GATAD2A: variants seen among roughly 807,000 people sequenced by gnomAD.
GATAD2A encodes the protein transcriptional repressor p66-alpha.
A neutral mutation model predicts 68.5 loss-of-function variants in GATAD2A; 12 were observed. The ratio of observed to expected loss-of-function variants is 0.18; its 90% CI spans 0.11 to 0.28. The LOEUF (loss-of-function observed/expected upper bound fraction) is 0.28. Among genes scored for constraint, GATAD2A ranks in the 10% least tolerant of loss-of-function variants. GATAD2A has a pLI of 1.00. For synonymous variants in GATAD2A, 410 were observed against 375.3 expected (o/e 1.09, Z -1.07); for missense variants, 755 against 868.5 (o/e 0.87, Z 1.64).
intron 1 of GATAD2A, among the ~76,000 whole-genome samples, chr19:19,386,584 C>G (rs1384087050): frequency 6.6e-6 from 1 of 151,690 alleles, no homozygotes; most frequent in East Asian, 1.9e-4. Context: ...AACGCTGCCT[C>G]TCTAGAGGAT....
chr19:19,462,927 G>A (rs980530710), intron 1 of GATAD2A, among the ~76,000 whole-genome samples: 17 of 152,176 alleles, frequency 1.1e-4, no homozygotes, highest in African/African-American at 4.1e-4. Context: ...GCTGGGAGGG[G>A]CCCTGCCTGG....
intron 1 of GATAD2A, among the ~76,000 whole-genome samples, chr19:19,447,994 C>T (rs1026452605): frequency 6.6e-6 from 1 of 152,246 alleles, no homozygotes; most frequent in Non-Finnish European, 1.5e-5. Flanking sequence ...TGAGAGACTA[C>T]AGCCCTGGAA....
At chr19:19,454,614 T>A (rs1231285392) in intron 1 of GATAD2A, among the ~76,000 whole-genome samples, 1 of 151,246 alleles carries the variant, frequency 6.6e-6, no homozygotes, top group Non-Finnish European at 1.5e-5. Flanking sequence ...AAAAAAAAAT[T>A]TATTGGAGAC....
intron 2 of GATAD2A, among the ~76,000 whole-genome samples, chr19:19,468,971 T>C (rs2058069873): frequency 6.6e-6 from 1 of 152,228 alleles, no homozygotes; most frequent in African/African-American, 2.4e-5. Flanking sequence ...ATAAAATATA[T>C]GTCATATTAG....
At chr19:19,464,845 G>A (rs1374506177) in intron 1 of GATAD2A, 2 of 181,746 alleles carry the variant, frequency 1.1e-5, no homozygotes, top group East Asian at 1.3e-4. Flanking sequence ...AAGGGGAGAA[G>A]CTGGGGTTAA....
At chr19:19,415,238 C>T (rs1273637125) in intron 1 of GATAD2A, among the ~76,000 whole-genome samples, 1 of 151,578 alleles carries the variant, frequency 6.6e-6, no homozygotes, top group African/African-American at 2.4e-5. Context: ...CTGCAACCTC[C>T]GCCTCCTGGG....
intron 1 of GATAD2A, among the ~76,000 whole-genome samples, chr19:19,460,570 A>T (rs1254267776): frequency 6.6e-6 from 1 of 152,066 alleles, no homozygotes; most frequent in Non-Finnish European, 1.5e-5. Flanking sequence ...GCTCCTCAGC[A>T]TCTCCGTGGG....
At chr19:19,489,605 C>T (rs2059653573) in intron 2 of GATAD2A, among the ~76,000 whole-genome samples, 1 of 152,218 alleles carries the variant, frequency 6.6e-6, no homozygotes, top group Non-Finnish European at 1.5e-5. Flanking sequence ...GCAGAGCAGC[C>T]CTCTCAGGCA....
intron 1 of GATAD2A, among the ~76,000 whole-genome samples, 151 bp downstream of exon 1, chr19:19,406,170 C>T (rs1284767609): frequency 6.6e-6 from 1 of 151,768 alleles, no homozygotes; most frequent in Non-Finnish European, 1.5e-5. Context: ...AGTTCTACTC[C>T]TTGTATTCTG....
intron 1 of GATAD2A, among the ~76,000 whole-genome samples, chr19:19,449,226 T>C (rs991565483): frequency 2.0e-5 from 3 of 152,204 alleles, no homozygotes; most frequent in South Asian, 4.1e-4. Context: ...CTGTTGGCTA[T>C]TGGGATCAGT....
chr19:19,499,049 A>C (rs1218691842), intron 8 of GATAD2A, among the ~76,000 whole-genome samples: 1 of 152,218 alleles, frequency 6.6e-6, no homozygotes, highest in Non-Finnish European at 1.5e-5. Context: ...AAGGGCTCTC[A>C]GGCCAATGTG....
chr19:19,490,153 T>TGAA (rs2059690907), intron 2 of GATAD2A, among the ~76,000 whole-genome samples: 1 of 152,216 alleles, frequency 6.6e-6, no homozygotes, highest in African/African-American at 2.4e-5. Flanking sequence ...CGTACCTTTC[T>TGAA]GTCCACGCCC....
At chr19:19,459,939 G>A (rs1033542486) in intron 1 of GATAD2A, among the ~76,000 whole-genome samples, 1 of 152,214 alleles carries the variant, frequency 6.6e-6, no homozygotes, top group Non-Finnish European at 1.5e-5. Context: ...TGCTGTTTCC[G>A]GTGTGGCTTC....
At chr19:19,414,037 C>T (rs1048343178) in intron 1 of GATAD2A, among the ~76,000 whole-genome samples, 2 of 151,944 alleles carry the variant, frequency 1.3e-5, no homozygotes. Flanking sequence ...ACTGTACAAG[C>T]AACATTTCCT....
rs763697857 is a variant in GATAD2A, at chr19:19,492,299, C to T, written c.270-7C>T. 3 of 1,598,470 alleles carry T rather than the reference C, an allele frequency of 1.9e-6. No homozygotes were observed. In the South Asian group the frequency reaches 3.4e-5, roughly 18 times the overall value. On this transcript the variant is annotated splice_region_variant and splice_polypyrimidine_tract_variant and intron_variant, in intron 2 of 11. Coordinates refer to ENST00000683918, the MANE Select transcript of GATAD2A (RefSeq NM_001384528.1). ...GCGCTCTGGTCACTACTGTCTCCAC[C>T]CCACAGTGACATGAAGTCCGAGAGG...
rs558334899 is a variant in GATAD2A, at chr19:19,486,227, A to G, written c.270-6079A>G. Among the ~76,000 whole-genome samples, 152 of 152,358 alleles carry G rather than the reference A, an allele frequency of 1.0e-3. 1 individual carries two copies. Among genetic ancestry groups the G allele is most frequent in the South Asian group, 6.0e-3 (29 of 4,828 alleles). On this transcript the variant is annotated intron_variant, in intron 2 of 11. Transcript: ENST00000683918. ...CCCACTCTTTCCTCAGAAAGCTGTC[A>G]GGTCAGGCAGATGTTTCAGGTTTGC...
At chr19:19,392,324 T>C (rs2048901737) in intron 1 of GATAD2A, among the ~76,000 whole-genome samples, 1 of 151,718 alleles carries the variant, frequency 6.6e-6, no homozygotes, top group East Asian at 1.9e-4. Context: ...GTTCAAGTGA[T>C]TCTCTCACTT....
chr19:19,414,251 A>T (rs1200126222), intron 1 of GATAD2A, among the ~76,000 whole-genome samples: 1 of 152,154 alleles, frequency 6.6e-6, no homozygotes, highest in African/African-American at 2.4e-5. Flanking sequence ...TAGCAGACAA[A>T]CTGAGGATTC....
At position 19,506,309 on chromosome 19, in the gene GATAD2A, GAGA is replaced by G. The variant is rs1482977076; in HGVS notation, c.*838_*840del. On this transcript the variant is annotated 3_prime_UTR_variant, in exon 12 of 12. Transcript: ENST00000683918. ...GGATTCCAGAAGCTGCCCATTAAGG[GAGA>G]AGGAGAGGATCCGGTCGGCAGCAGC... The G allele has an allele frequency of 2.5e-6, 1 of 397,886 alleles. No homozygotes were observed. The highest frequency in any genetic ancestry group is 4.4e-6 in the Non-Finnish European group (1 of 225,914). 24.6% of individuals were successfully genotyped at this position (397,886 alleles called of 1,614,324 possible).
Sources: allele counts gnomAD v4.1 joint callset (sites outside exome capture counted in the v4.1 genomes callset), GRCh38; gene constraint gnomAD v4.1.1; transcripts MANE v1.5; gene names NCBI Gene and HGNC (gene_info 2026-07-23, HGNC 2026-07-21).